Variants in KIAA1217 observed in about 807,000 individuals in gnomAD.
The protein encoded by KIAA1217 is KIAA1217.
KIAA1217 carries 88 observed loss-of-function variants against 163.9 expected under a neutral mutation model. That is an observed-to-expected ratio of 0.54 (90% CI 0.45 to 0.64). The LOEUF is 0.64. Among genes scored for constraint, KIAA1217 ranks in the 30% least tolerant of loss-of-function variants. The pLI, the probability that KIAA1217 is intolerant of heterozygous loss-of-function variation, is 0.00. For missense variants in KIAA1217, 2,372 were observed against 2,475.0 expected (o/e 0.96, Z 0.88); for synonymous variants, 903 against 923.1 (o/e 0.98, Z 0.39).
intron 16 of KIAA1217, among the ~76,000 whole-genome samples, chr10:24,536,214 G>A (rs767887651): frequency 3.9e-5 from 6 of 152,122 alleles, no homozygotes; most frequent in Non-Finnish European, 5.9e-5. Context: ...TAGGCCACTC[G>A]GAATGACATC....
intron 1 of KIAA1217, among the ~76,000 whole-genome samples, chr10:23,836,503 C>A (rs1047845252): frequency 1.4e-5 from 2 of 147,196 alleles, no homozygotes; most frequent in African/African-American, 5.2e-5. Context: ...GGACTTCTAG[C>A]CTCCAGAACT....
chr10:24,524,301 C>T (rs777416429), intron 12 of KIAA1217, 22 bp from the exon 13 acceptor site: 22 of 1,593,016 alleles, frequency 1.4e-5, no homozygotes, highest in Admixed American at 5.0e-5. Flanking sequence ...GGGTTAATGC[C>T]GCTGTGCATG....
At chr10:24,271,557 C>T (rs542342417) in intron 2 of KIAA1217, among the ~76,000 whole-genome samples, 55 of 152,064 alleles carry the variant, frequency 3.6e-4, no homozygotes, top group African/African-American at 1.1e-3. Flanking sequence ...TCAAGACCAG[C>T]GTGGGCAACG....
rs1012125050 is a variant in KIAA1217, at chr10:23,726,979, C to CTTTTTTTTTTTTT, written c.-321+31759_-321+31771dup. On this transcript the variant is annotated intron_variant, in intron 1 of 18. Transcript: ENST00000376462. Reference sequence around the variant, plus strand: ...ATTTCCATGCCATTTGTATAGGCCTCTTTTTTTTTTTTTTTTTTTTTTTTT... The same window carrying CTTTTTTTTTTTTT: ...ATTTCCATGCCATTTGTATAGGCCTCTTTTTTTTTTTTTTTTTTTTTTTTTTTTTTTTTTTTTT... Among the ~76,000 whole-genome samples, 63 of 93,414 alleles carry CTTTTTTTTTTTTT rather than the reference C, an allele frequency of 6.7e-4. 9 individuals are homozygous for CTTTTTTTTTTTTT. Among genetic ancestry groups the CTTTTTTTTTTTTT allele is most frequent in the African/African-American group, 3.0e-3 (62 of 20,684 alleles). The allele number at this position is 93,414 out of a possible 152,430, so 61.3% of individuals were successfully genotyped here.
At chr10:24,470,058 ATGTTTGTTTTGGT>A (rs1198927165) in intron 5 of KIAA1217, among the ~76,000 whole-genome samples, 1 of 151,966 alleles carries the variant, frequency 6.6e-6, no homozygotes, top group Non-Finnish European at 1.5e-5. Context: ...ATTTATCTCG[ATGTTTGTTTTGGT>A]TGGTTATTGC....
intron 1 of KIAA1217, among the ~76,000 whole-genome samples, chr10:24,005,502 G>A (rs1846952564): frequency 6.6e-6 from 1 of 152,116 alleles, no homozygotes; most frequent in African/African-American, 2.4e-5. Flanking sequence ...TTATGTAAGT[G>A]GAAGGATCCC....
At chr10:23,853,086 T>C (rs1407979915) in intron 1 of KIAA1217, among the ~76,000 whole-genome samples, 2 of 152,228 alleles carry the variant, frequency 1.3e-5, no homozygotes, top group Non-Finnish European at 2.9e-5. Flanking sequence ...ATCCCTGTCT[T>C]GTGCCAGTTT....
At chr10:24,425,819 A>G (rs902624101) in intron 3 of KIAA1217, among the ~76,000 whole-genome samples, 5 of 152,222 alleles carry the variant, frequency 3.3e-5, no homozygotes, top group Non-Finnish European at 7.3e-5. Flanking sequence ...CTTCAGAGAA[A>G]TGGTATCAAC....
At chr10:24,243,035 GCT>G (rs1293014490) in intron 2 of KIAA1217, among the ~76,000 whole-genome samples, 2 of 152,062 alleles carry the variant, frequency 1.3e-5, no homozygotes, top group Non-Finnish European at 2.9e-5. Flanking sequence ...TAGGTTGTTT[GCT>G]CTGTTGATGG....
chr10:24,277,819 T>G (rs1234052313), intron 2 of KIAA1217, among the ~76,000 whole-genome samples: 2 of 152,214 alleles, frequency 1.3e-5, no homozygotes, highest in Non-Finnish European at 2.9e-5. Flanking sequence ...AATCGCAGCA[T>G]GAGAATGGCC....
chr10:24,128,180 A>G (rs1403611061), intron 2 of KIAA1217, among the ~76,000 whole-genome samples: 1 of 152,182 alleles, frequency 6.6e-6, no homozygotes, highest in Non-Finnish European at 1.5e-5. Context: ...ATTAAGAATT[A>G]CCATCTCAGG....
chr10:23,945,894 C>T (rs1844011356), intron 1 of KIAA1217, among the ~76,000 whole-genome samples: 1 of 152,012 alleles, frequency 6.6e-6, no homozygotes, highest in Non-Finnish European at 1.5e-5. Flanking sequence ...TGGGTGAGTG[C>T]TCTATATATA....
chr10:24,020,753 T>C (rs1365726731), intron 2 of KIAA1217, among the ~76,000 whole-genome samples: 2 of 151,780 alleles, frequency 1.3e-5, no homozygotes, highest in East Asian at 3.9e-4. Context: ...AATATAAATA[T>C]AAGAACACAA....
At chr10:24,258,738 G>A (rs376806124) in intron 2 of KIAA1217, among the ~76,000 whole-genome samples, 72 of 152,118 alleles carry the variant, frequency 4.7e-4, no homozygotes, top group African/African-American at 1.6e-3. Flanking sequence ...CACTACAGGC[G>A]CCCGCCACCA....
intron 2 of KIAA1217, among the ~76,000 whole-genome samples, chr10:24,302,739 G>A (rs182632860): frequency 1.8e-4 from 27 of 152,258 alleles, no homozygotes; most frequent in Non-Finnish European, 2.9e-4. Context: ...TAAAGAGAAG[G>A]CCTTCTGGAT....
chr10:24,228,080 G>A (rs1049730678), intron 2 of KIAA1217, among the ~76,000 whole-genome samples: 3 of 152,032 alleles, frequency 2.0e-5, no homozygotes, highest in African/African-American at 7.2e-5. Flanking sequence ...TTTGAGACCA[G>A]CCTGGGCAAC....
chr10:24,375,931 G>C (rs2052421578), intron 2 of KIAA1217, among the ~76,000 whole-genome samples: 1 of 152,128 alleles, frequency 6.6e-6, no homozygotes, highest in Non-Finnish European at 1.5e-5. Context: ...AGGGTTTAAG[G>C]GTCTGAAAAC....
intron 5 of KIAA1217, chr10:24,466,939 C>T (rs1040969521): frequency 4.6e-6 from 1 of 217,118 alleles, no homozygotes; most frequent in African/African-American, 2.3e-5. Flanking sequence ...ACAAACTGTA[C>T]ATAATATTCC....
intron 1 of KIAA1217, among the ~76,000 whole-genome samples, chr10:23,844,246 A>G (rs1191215162): frequency 6.6e-6 from 1 of 152,040 alleles, no homozygotes; most frequent in Non-Finnish European, 1.5e-5. Context: ...AGCTTTCTAC[A>G]TTTGCCAGTG....
Sources: allele counts gnomAD v4.1 joint callset (sites outside exome capture counted in the v4.1 genomes callset), GRCh38; gene constraint gnomAD v4.1.1; transcripts MANE v1.5; gene names NCBI Gene and HGNC (gene_info 2026-07-23, HGNC 2026-07-21).